The following ADAMTS8 variants were observed in gnomAD, a reference collection of about 807,000 sequenced individuals.
ADAMTS8 encodes the protein A disintegrin and metalloproteinase with thrombospondin motifs 8.
ADAMTS8 carries 50 observed loss-of-function variants against 64.4 expected under a neutral mutation model. The ratio of observed to expected loss-of-function variants is 0.78; its 90% CI spans 0.62 to 0.98. ADAMTS8 has a LOEUF of 0.98. Among genes scored for constraint, ADAMTS8 ranks in the 50% least tolerant of loss-of-function variants. The probability of loss-of-function intolerance (pLI) is 0.00; values close to 1 mark genes in which losing one functional copy is unlikely to be tolerated. For synonymous variants in ADAMTS8, 556 were observed against 533.6 expected, an observed-to-expected ratio of 1.04 and a Z score of -0.58; for missense variants, 1,192 against 1,208.2, an observed-to-expected ratio of 0.99 and a Z score of 0.20.
chr11:130,408,777 G>A lies in ADAMTS8; in HGVS notation c.1914C>T (p.Phe638=), dbSNP rs760759970. ...RARGRSEFKV[F]EAKVIDGTLC... ...CCAGGGTGATTCTCACCTTGGCCTC[G>A]AACACTTTGAACTCGCTCCTCCCCC... Residue 638 remains phenylalanine, a synonymous_variant, in exon 7 of 9, where the codon TTC becomes TTT. Coordinates refer to ENST00000257359, the MANE Select transcript of ADAMTS8 (RefSeq NM_007037.6). The A allele has an allele frequency of 1.2e-5, 19 of 1,613,970 alleles. No homozygotes were observed. Among genetic ancestry groups the A allele is most frequent in the Non-Finnish European group, 1.4e-5 (16 of 1,180,016 alleles).
chr11:130,419,076 T>A lies in ADAMTS8; in HGVS notation c.937A>T (p.Thr313Ser), dbSNP rs768946308. The change falls in exon 2 of 9, where the codon ACG becomes TCG. Residue 313 changes from threonine (T) to serine (S), a missense_variant. Physicochemically the swap from Thr to Ser is moderately conservative, Grantham distance 58. Around this residue, in one of 5 missense-constraint regions of ADAMTS8, gnomAD observed 741 missense variants for 710.6 expected, o/e 1.04. Transcript: ENST00000257359. Reference protein sequence around the residue: ...PSDRHPEHYDTAILLTRQNFC... With the variant: ...PSDRHPEHYDSAILLTRQNFC... ...ACCTGTCTGGTGAGCAGGATGGCCG[T>A]GTCGTAGTGCTCTGGGTGGCGGTCG... 2.5e-6 allele frequency: 4 copies of A among 1,614,012 alleles called. No homozygotes were observed. Among genetic ancestry groups the A allele is most frequent in the Non-Finnish European group, 3.4e-6 (4 of 1,180,054 alleles).
At position 130,419,129 on chromosome 11, in the gene ADAMTS8, T is replaced by C. The variant is rs1276720235; in HGVS notation, c.884A>G (p.Asn295Ser). 6.2e-7 allele frequency: 1 copy of C among 1,614,092 alleles called. No homozygotes were observed. Among genetic ancestry groups the C allele is most frequent in the East Asian group, 2.2e-5 (1 of 44,900 alleles). ...GGGCTGGTTGAAACGCCGCTGCCAG[T>C]TGCAGAAGTTACGCAGTGTAAGCCC... Reference protein sequence around the residue: ...NGGLTLRNFCNWQRRFNQPSD... With the variant: ...NGGLTLRNFCSWQRRFNQPSD... Residue 295 changes from asparagine to serine, a missense_variant, in exon 2 of 9, where the codon AAC becomes AGC. Physicochemically the swap from Asn to Ser is conservative, Grantham distance 46. Coordinates refer to ENST00000257359, the MANE Select transcript of ADAMTS8 (RefSeq NM_007037.6).
rs1861861132 is a variant in ADAMTS8 at position 130,405,246 on chromosome 11, T to C, written c.*312A>G. Reference sequence around the variant, plus strand: ...TTTTCATTTAAGTTTGCTAGTCCTTTGCAAACAGACTGACGCTGAGTGTCC... The same window carrying C: ...TTTTCATTTAAGTTTGCTAGTCCTTCGCAAACAGACTGACGCTGAGTGTCC... On this transcript the variant is annotated 3_prime_UTR_variant, in exon 9 of 9. Coordinates refer to ENST00000257359, the MANE Select transcript of ADAMTS8 (RefSeq NM_007037.6). 5.2e-6 allele frequency: 6 copies of C among 1,148,380 alleles called. No homozygotes were observed. In the South Asian group the frequency reaches 2.5e-4, roughly 48 times the overall value. 71.1% of individuals were successfully genotyped at this position (1,148,380 alleles called of 1,614,324 possible).
chr11:130,409,773 C>A (rs1394679698), intron 6 of ADAMTS8, among the ~76,000 whole-genome samples: 1 of 152,208 alleles, frequency 6.6e-6, no homozygotes, highest in African/African-American at 2.4e-5. Flanking sequence ...TTGCTTTCCA[C>A]CCCCAAATCC....
At position 130,428,261 on chromosome 11, in the gene ADAMTS8, CG is replaced by C. The variant is rs1256160738; in HGVS notation, c.25del (p.Arg9GlyfsTer67). 5.0e-6 allele frequency: 6 copies of C among 1,202,572 alleles called. No individual in the cohort carries two copies. The highest frequency in any genetic ancestry group is 6.2e-6 in the Non-Finnish European group (6 of 973,494). 74.5% of individuals were successfully genotyped at this position (1,202,572 alleles called of 1,614,324 possible). On this transcript the variant is annotated frameshift_variant, in exon 1 of 9. Coordinates refer to ENST00000257359, the MANE Select transcript of ADAMTS8 (RefSeq NM_007037.6). LOFTEE classifies it high-confidence loss of function. ...CAGCAGCAGCAGGAGCGGAGGCCAC[CG>C]GGGGGCGGCGGGGGCGGGGAGCATG... The part of the protein sequence containing the change: MLPAPAAP[R>X]WPPLLLLLLL...
rs765903718 is a variant in ADAMTS8 at position 130,427,706 on chromosome 11, T to A, written c.581A>T (p.Glu194Val). 7 of 1,595,916 alleles carry A rather than the reference T, an allele frequency of 4.4e-6. No homozygotes were observed. The highest frequency in any genetic ancestry group is 6.0e-6 in the Non-Finnish European group (7 of 1,172,394). Reference protein sequence around the residue: ...EDSEEESQEEEAEGASEPPPP... With the variant: ...EDSEEESQEEVAEGASEPPPP... ...TGGCGGCTCGCTAGCGCCTTCTGCC[T>A]CCTCTTCTTGGCTCTCCTCCTCGCT... Residue 194 changes from glutamate to valine, a missense_variant, in exon 1 of 9, where the codon GAG (glutamate) becomes GTG (valine). Physicochemically the swap from Glu to Val is moderately radical, Grantham distance 121. This residue lies in a region of ADAMTS8 where 741 missense variants were observed against 710.6 expected (regional missense o/e 1.04). Transcript: ENST00000257359.
intron 1 of ADAMTS8, among the ~76,000 whole-genome samples, 181 bp downstream of exon 1, chr11:130,427,385 AC>A (rs1458880141): frequency 6.7e-6 from 1 of 148,784 alleles, no homozygotes; most frequent in South Asian, 2.2e-4. Flanking sequence ...GAAAAGAGTT[AC>A]TGCTCTTTCT....
intron 7 of ADAMTS8, 52 bp from the exon 8 acceptor site, chr11:130,408,691 C>T: frequency 1.9e-6 from 3 of 1,611,578 alleles, no homozygotes; most frequent in Non-Finnish European, 2.5e-6. Context: ...ACAGAAGCAG[C>T]CTGCCGGGGG....
rs762214059 is a variant in ADAMTS8, at chr11:130,414,400, C to T, written c.1566+131G>A. Reference sequence around the variant, plus strand: ...AAAGTGCTGGGATTCCAGTGTGAGCCGCTCTGCCTGGCTGTCTCTCGGTTC... The same window carrying T: ...AAAGTGCTGGGATTCCAGTGTGAGCTGCTCTGCCTGGCTGTCTCTCGGTTC... On this transcript the variant is annotated intron_variant, in intron 5 of 8. Coordinates refer to ENST00000257359, the MANE Select transcript of ADAMTS8 (RefSeq NM_007037.6). 80 of 1,168,838 alleles carry T rather than the reference C, an allele frequency of 6.8e-5. 1 individual carries two copies. The highest frequency in any genetic ancestry group is 2.1e-4 in the Middle Eastern group (1 of 4,866). The allele number at this position is 1,168,838 out of a possible 1,614,324, so 72.4% of individuals were successfully genotyped here.
At chr11:130,413,479 G>A (rs1861978561) in intron 5 of ADAMTS8, among the ~76,000 whole-genome samples, 1 of 152,228 alleles carries the variant, frequency 6.6e-6, no homozygotes, top group African/African-American at 2.4e-5. Context: ...TGGCGATTCA[G>A]CGCTGGCGGG....
In ADAMTS8 at chr11:130,419,142, G is replaced by C; in HGVS notation, c.871C>G (p.Arg291Gly). ...CGCCGCTGCCAGTTGCAGAAGTTAC[G>C]CAGTGTAAGCCCCCCATTGTCGGAC... ...EVSDNGGLTL[R>G]NFCNWQRRFN... Residue 291 changes from arginine to glycine, a missense_variant, in exon 2 of 9, where the codon CGT (arginine) becomes GGT (glycine). Arg to Gly is a moderately radical substitution (Grantham distance 125, BLOSUM62 -2). Transcript: ENST00000257359. 2 of 1,614,188 alleles carry C rather than the reference G, an allele frequency of 1.2e-6. No individual in the cohort carries two copies. Among genetic ancestry groups the C allele is most frequent in the Non-Finnish European group, 1.7e-6 (2 of 1,180,036 alleles).
rs1861915986 is a variant in ADAMTS8, at chr11:130,408,768, C to T, written c.1923G>A (p.Lys641=). The part of the protein sequence containing the change: ...GRSEFKVFEA[K]VIDGTLCGPE... ...ATCTGAGTCCCAGGGTGATTCTCAC[C>T]TTGGCCTCGAACACTTTGAACTCGC... The change falls in exon 7 of 9, where the codon AAG becomes AAA. Residue 641 remains lysine, a splice_region_variant and synonymous_variant. Coordinates refer to ENST00000257359, the MANE Select transcript of ADAMTS8 (RefSeq NM_007037.6). The T allele has an allele frequency of 3.7e-6, 6 of 1,614,120 alleles. No homozygotes were observed. Among genetic ancestry groups the T allele is most frequent in the Non-Finnish European group, 2.5e-6 (3 of 1,180,008 alleles).
At chr11:130,418,394 G>A (rs1487531367) in intron 2 of ADAMTS8, among the ~76,000 whole-genome samples, 1 of 152,064 alleles carries the variant, frequency 6.6e-6, no homozygotes, top group African/African-American at 2.4e-5. Context: ...GACTTCAAAG[G>A]CTTTTTGTGG....
At chr11:130,410,051 G>A (rs902179421) in intron 6 of ADAMTS8, among the ~76,000 whole-genome samples, 3 of 152,192 alleles carry the variant, frequency 2.0e-5, no homozygotes, top group African/African-American at 7.2e-5. Context: ...TTCCACCTAA[G>A]TGAATGAGGG....
intron 1 of ADAMTS8, 50 bp from the exon 2 acceptor site, chr11:130,419,342 G>A (rs776915143): frequency 6.2e-7 from 1 of 1,609,228 alleles, no homozygotes; most frequent in Non-Finnish European, 8.5e-7. Flanking sequence ...AAGTCTCAGG[G>A]CCCTTGGCCT....
intron 1 of ADAMTS8, among the ~76,000 whole-genome samples, chr11:130,420,863 C>G (rs114962336): frequency 6.6e-6 from 1 of 152,088 alleles, no homozygotes; most frequent in South Asian, 2.1e-4. Flanking sequence ...ATTATGCAAC[C>G]GGGGGTGAGC....
intron 1 of ADAMTS8, among the ~76,000 whole-genome samples, chr11:130,419,514 G>C (rs1467914827): frequency 6.6e-6 from 1 of 152,218 alleles, no homozygotes; most frequent in Non-Finnish European, 1.5e-5. Flanking sequence ...CATGAACAGT[G>C]GTCTTTGAAC....
Position 130,405,839 on chromosome 11 carries a change from C to T in ADAMTS8, c.2389G>A (p.Val797Ile), listed in dbSNP as rs1254092779. 6 of 1,614,002 alleles carry T rather than the reference C, an allele frequency of 3.7e-6. No homozygotes were observed. The highest frequency in any genetic ancestry group is 5.1e-6 in the Non-Finnish European group (6 of 1,180,058). The change falls in exon 9 of 9, where the codon GTC (valine) becomes ATC (isoleucine). Residue 797 changes from valine to isoleucine, a missense_variant. Coordinates refer to ENST00000257359, the MANE Select transcript of ADAMTS8 (RefSeq NM_007037.6). ...GTGTATTTGACTTTTGGGGGGAAGA[C>T]CTCGCCAGGGACTGTCAGGAGCTGC... ...TVQLLTVPGE[V>I]FPPKVKYTFF...
intron 1 of ADAMTS8, among the ~76,000 whole-genome samples, chr11:130,426,913 C>G (rs369789923): frequency 6.6e-6 from 1 of 152,254 alleles, no homozygotes; most frequent in East Asian, 1.9e-4. Context: ...GCCCCTCCCT[C>G]TTGTGCTGGC....
Sources: gnomAD v4.1 joint callset for allele counts (sites outside exome capture counted in the v4.1 genomes callset) on GRCh38, gnomAD v4.1.1 for gene constraint, gnomAD v4.1.1 regional missense constraint, MANE v1.5 for transcripts, NCBI Gene and HGNC (gene_info 2026-07-23, HGNC 2026-07-21) for gene names.